The following CERKL variants were observed in gnomAD, a reference collection of about 807,000 sequenced individuals.
CERKL encodes the protein ceramide kinase-like protein.
A neutral mutation model predicts 63.4 loss-of-function variants in CERKL; 61 were observed. That is an observed-to-expected ratio of 0.96 (90% CI 0.78 to 1.19). CERKL has a LOEUF of 1.19. Ranked by LOEUF, CERKL falls within the 50% of genes most tolerant of loss-of-function variation. The pLI is 0.00. For synonymous variants in CERKL, 250 were observed against 230.5 expected, an observed-to-expected ratio of 1.08 and a Z score of -0.77; for missense variants, 675 against 655.5, an observed-to-expected ratio of 1.03 and a Z score of -0.33.
chr2:181,654,043 T>C (rs1052506005), intron 1 of CERKL, among the ~76,000 whole-genome samples: 1 of 152,150 alleles, frequency 6.6e-6, no homozygotes, highest in African/African-American at 2.4e-5. Flanking sequence ...AATGTGTCAA[T>C]TAAATTTTTT....
At chr2:181,575,212 C>G (rs576336992) in intron 2 of CERKL, among the ~76,000 whole-genome samples, 7 of 152,204 alleles carry the variant, frequency 4.6e-5, no homozygotes, top group Non-Finnish European at 1.0e-4. Context: ...CATCACAGCT[C>G]TGGTCAGTGC....
chr2:181,619,339 G>A (rs1174774926), intron 1 of CERKL, among the ~76,000 whole-genome samples: 2 of 148,224 alleles, frequency 1.3e-5, no homozygotes, highest in Non-Finnish European at 3.0e-5. Context: ...TTTTTTTTTG[G>A]CATTATCAGT....
chr2:181,656,758 C>T lies in CERKL; in HGVS notation c.238+11G>A. ...GGAGGGAGGCGAAGACGCTTGGGGC[C>T]GGGCACTCACCCGCCGGGCGCTCGG... On this transcript the variant is annotated intron_variant, in intron 1 of 12. Transcript: ENST00000410087. 2 of 1,582,106 alleles carry T rather than the reference C, an allele frequency of 1.3e-6. No individual in the cohort carries two copies. Among genetic ancestry groups the T allele is most frequent in the Non-Finnish European group, 1.7e-6 (2 of 1,163,520 alleles).
chr2:181,582,854 A>G (rs60331765), intron 2 of CERKL, among the ~76,000 whole-genome samples: 32,743 of 151,998 alleles, frequency 0.22, 4,026 homozygotes, highest in African/African-American at 0.34. Context: ...TCGTCAACAT[A>G]TGTTTCTAAT....
intron 1 of CERKL, among the ~76,000 whole-genome samples, chr2:181,638,740 C>T (rs1234185631): frequency 6.6e-6 from 1 of 152,212 alleles, no homozygotes; most frequent in African/African-American, 2.4e-5. Flanking sequence ...CAGCCTGTGA[C>T]AGCACAGCTG....
chr2:181,643,102 CCAGA>C (rs1411963345), intron 1 of CERKL, among the ~76,000 whole-genome samples: 11 of 152,292 alleles, frequency 7.2e-5, no homozygotes, highest in Non-Finnish European at 1.2e-4. Flanking sequence ...TCCACACACA[CCAGA>C]CAGTGGGCCC....
At chr2:181,595,799 C>A (rs554222057) in intron 2 of CERKL, among the ~76,000 whole-genome samples, 1 of 152,156 alleles carries the variant, frequency 6.6e-6, no homozygotes, top group Admixed American at 6.5e-5. Context: ...TCAAACCTCA[C>A]AGCAAAACTC....
intron 3 of CERKL, among the ~76,000 whole-genome samples, chr2:181,572,058 C>G (rs1419479211): frequency 1.3e-5 from 2 of 152,104 alleles, no homozygotes; most frequent in African/African-American, 4.8e-5. Flanking sequence ...ATGGCACAAA[C>G]TCTCCAGATG....
At chr2:181,544,953 C>T (rs1026396769) in intron 10 of CERKL, among the ~76,000 whole-genome samples, 157 bp from the exon 11 acceptor site, 2 of 152,000 alleles carry the variant, frequency 1.3e-5, no homozygotes, top group African/African-American at 4.8e-5. Context: ...ATTCATAAAC[C>T]GTATCTTGCT....
At chr2:181,538,644 C>T (rs781111866) in intron 12 of CERKL, among the ~76,000 whole-genome samples, 8 of 152,196 alleles carry the variant, frequency 5.3e-5, no homozygotes, top group African/African-American at 1.9e-4. Context: ...AAGTTGAATG[C>T]TCTGTAAAGG....
intron 1 of CERKL, among the ~76,000 whole-genome samples, chr2:181,641,354 T>C (rs1289784529): frequency 9.0e-3 from 163 of 18,184 alleles, no homozygotes; most frequent in African/African-American, 0.033. Flanking sequence ...TACATATATA[T>C]ACACATATTT....
At chr2:181,543,207 T>C (rs1687583095) in intron 11 of CERKL, among the ~76,000 whole-genome samples, 1 of 152,232 alleles carries the variant, frequency 6.6e-6, no homozygotes, top group Non-Finnish European at 1.5e-5. Flanking sequence ...AATCATTTTC[T>C]TGTTTCTATT....
chr2:181,657,049 C>T lies in CERKL; in HGVS notation c.-43G>A, dbSNP rs542559111. 2.2e-5 allele frequency: 34 copies of T among 1,528,174 alleles called. No homozygotes were observed. In the African/African-American group the frequency reaches 3.8e-4, roughly 17 times the overall value. The allele number at this position is 1,528,174 out of a possible 1,614,324, so 94.7% of individuals were successfully genotyped here. ...GGCCCGAGCCAGGGGTCCGGGGAGGCCTTTGGAGAAGGAGGTGGAGGGCGC... is the reference window on the plus strand; with the variant it reads ...GGCCCGAGCCAGGGGTCCGGGGAGGTCTTTGGAGAAGGAGGTGGAGGGCGC... On this transcript the variant is annotated 5_prime_UTR_variant, in exon 1 of 13. Transcript: ENST00000410087.
At chr2:181,563,341 AT>A (rs1350866464) in intron 4 of CERKL, among the ~76,000 whole-genome samples, 6 of 152,184 alleles carry the variant, frequency 3.9e-5, no homozygotes, top group African/African-American at 1.2e-4. Context: ...ATTAAAAAAA[AT>A]AAATACAACT....
At chr2:181,575,007 C>T (rs1689068351) in intron 2 of CERKL, among the ~76,000 whole-genome samples, 1 of 152,188 alleles carries the variant, frequency 6.6e-6, no homozygotes, top group Non-Finnish European at 1.5e-5. Context: ...CATCAGCCTC[C>T]AATCACCCAG....
intron 2 of CERKL, among the ~76,000 whole-genome samples, chr2:181,580,964 G>T (rs939078982): frequency 1.3e-5 from 2 of 152,020 alleles, no homozygotes; most frequent in Admixed American, 6.6e-5. Flanking sequence ...TGTCTTCTGG[G>T]TTCAGTTTGG....
chr2:181,598,797 T>G (rs543113243), intron 2 of CERKL, among the ~76,000 whole-genome samples: 50 of 151,992 alleles, frequency 3.3e-4, no homozygotes, highest in South Asian at 1.7e-3. Flanking sequence ...ATAAAGAGCC[T>G]TGGCCCCCTG....
chr2:181,538,134 C>CTT lies in CERKL; in HGVS notation c.*48_*49dup, dbSNP rs1687277051. 7.8e-7 allele frequency: 1 copy of CTT among 1,277,260 alleles called. No individual in the cohort carries two copies. Among genetic ancestry groups the CTT allele is most frequent in the Non-Finnish European group, 1.1e-6 (1 of 879,788 alleles). 79.1% of individuals were successfully genotyped at this position (1,277,260 alleles called of 1,614,324 possible). A position where few individuals can be genotyped will look rare whatever the true frequency, so the allele number is the denominator to read the frequency against. ...ACAGGTTTAAAGCATGGCCACATTT[C>CTT]TTTATATTAAAATTCTAGTTTGTAC... On this transcript the variant is annotated 3_prime_UTR_variant, in exon 13 of 13. Transcript: ENST00000410087.
In CERKL at chr2:181,539,169, A is replaced by ATCC. The variant is rs750109553; in HGVS notation, c.1458_1460dup (p.Glu486dup). On this transcript the variant is annotated inframe_insertion, in exon 12 of 13. Coordinates refer to ENST00000410087, the MANE Select transcript of CERKL (RefSeq NM_201548.5). The stretch of plus-strand genomic sequence containing the variant: ...GGAAACAATTTTCTGAAGCAGTTTC[A>ATCC]TCCTCCTCCTCCTCTGGATTATATC... 4.4e-6 allele frequency: 7 copies of ATCC among 1,606,610 alleles called. No individual in the cohort carries two copies. Among genetic ancestry groups the ATCC allele is most frequent in the South Asian group, 1.1e-5 (1 of 90,930 alleles).
Sources: allele counts gnomAD v4.1 joint callset (sites outside exome capture counted in the v4.1 genomes callset), GRCh38; gene constraint gnomAD v4.1.1; transcripts MANE v1.5; gene names NCBI Gene and HGNC (gene_info 2026-07-23, HGNC 2026-07-21).